The following TNS1 variants were observed in gnomAD, a reference collection of about 807,000 sequenced individuals.
TNS1 encodes tensin-1.
Under a neutral mutation model 168.6 loss-of-function variants are expected in TNS1, and 62 were observed. That is an observed-to-expected ratio of 0.37 (90% confidence interval 0.30 to 0.45). TNS1 has a LOEUF of 0.45. Ranked by LOEUF, TNS1 falls within the 20% of genes least tolerant of loss-of-function variation. The probability of loss-of-function intolerance (pLI) is 1.00; values close to 1 mark genes in which losing one functional copy is unlikely to be tolerated. For synonymous variants in TNS1, 934 were observed against 933.2 expected (o/e 1.00, Z -0.02); for missense variants, 2,240 against 2,339.4 (o/e 0.96, Z 0.88).
chr2:217,898,742 G>A (rs1025273994), intron 7 of TNS1, among the ~76,000 whole-genome samples: 1 of 152,224 alleles, frequency 6.6e-6, no homozygotes, highest in African/African-American at 2.4e-5. Context: ...AGCACCATGC[G>A]TTTCCCGGAG....
At chr2:217,838,378 C>A (rs1945458966) in intron 19 of TNS1, among the ~76,000 whole-genome samples, 2 of 152,246 alleles carry the variant, frequency 1.3e-5, no homozygotes, top group Admixed American at 6.5e-5. Flanking sequence ...CACCTGACAT[C>A]CGTAGAGAAT....
chr2:217,813,509 T>A lies in TNS1; in HGVS notation c.4861+176A>T, dbSNP rs1199077391. ...CAGGAAACACATGGCAGGCACCCAA[T>A]CGTCCTGCTTTCCCAATCTCTGACC... On this transcript the variant is annotated intron_variant, in intron 26 of 32. Coordinates refer to ENST00000682258, the MANE Select transcript of TNS1 (RefSeq NM_001387777.1). The surrounding 1 kb of genome is among the most constrained non-coding windows in gnomAD (Gnocchi z 4.0). Among the ~76,000 whole-genome samples the A allele has an allele frequency of 6.6e-6, 1 of 152,020 alleles. No individual in the cohort carries two copies. Among genetic ancestry groups the A allele is most frequent in the East Asian group, 1.9e-4 (1 of 5,180 alleles).
chr2:218,028,831 C>T (rs1202960050), intron 1 of TNS1, among the ~76,000 whole-genome samples: 1 of 152,202 alleles, frequency 6.6e-6, no homozygotes, highest in Non-Finnish European at 1.5e-5. Flanking sequence ...GACCTGGCCC[C>T]TAAGCATAGC....
Position 217,893,005 on chromosome 2 carries a change from C to T in TNS1, c.725G>A (p.Arg242Gln), listed in dbSNP as rs750425819. The T allele has an allele frequency of 9.3e-6, 15 of 1,614,178 alleles. No homozygotes were observed. The highest frequency in any genetic ancestry group is 2.2e-5 in the East Asian group (1 of 44,880). Residue 242 changes from arginine (R) to glutamine (Q), a missense_variant, in exon 11 of 33, where the codon CGA becomes CAA. By Grantham distance (43) the Arg-to-Gln change is conservative (BLOSUM62 1). Transcript: ENST00000682258. ...CGCGATGACAACTCCTATCCTGCCT[C>T]GGTTTCCCTGAAAGAGCCCCAAACA... ...NVVVLHNKGN[R>Q]GRIGVVIAAY...
intron 18 of TNS1, among the ~76,000 whole-genome samples, chr2:217,866,239 A>T (rs1399995743): frequency 6.6e-6 from 1 of 152,194 alleles, no homozygotes; most frequent in Admixed American, 6.5e-5. Flanking sequence ...CTAAGGGGTG[A>T]TTTTGGACAG....
At chr2:217,966,360 TGTCAGGGGAA>T (rs1225107931) in intron 3 of TNS1, among the ~76,000 whole-genome samples, 1 of 151,632 alleles carries the variant, frequency 6.6e-6, no homozygotes, top group Non-Finnish European at 1.5e-5. Flanking sequence ...GACTCAAAGA[TGTCAGGGGAA>T]GTTAAAGCTT....
Position 217,813,861 on chromosome 2 carries a change from GT to G in TNS1, c.4730-46del, listed in dbSNP as rs1941429720. On this transcript the variant is annotated intron_variant, in intron 25 of 32. Transcript: ENST00000682258. This position sits in a 1 kb window ranked among gnomAD's most constrained non-coding sequence, Gnocchi z 4.0. ...GGAGAGAGGAGGAAGCAAGACCTCG[GT>G]GGCGCTAGTTTTACTTAAGTCTCAT... The G allele has an allele frequency of 6.5e-7, 1 of 1,532,654 alleles. No individual in the cohort carries two copies. The allele number at this position is 1,532,654 out of a possible 1,614,324, so 94.9% of individuals were successfully genotyped here. A position where few individuals can be genotyped will look rare whatever the true frequency, so the allele number is the denominator to read the frequency against.
intron 28 of TNS1, among the ~76,000 whole-genome samples, chr2:217,811,287 A>C (rs1940852546): frequency 6.6e-6 from 1 of 152,226 alleles, no homozygotes; most frequent in Non-Finnish European, 1.5e-5. Context: ...ACAGTTTTTT[A>C]ATTGCTGAAC....
intron 20 of TNS1, 47 bp from the exon 21 acceptor site, chr2:217,835,213 G>A: frequency 6.4e-7 from 1 of 1,563,648 alleles, no homozygotes; most frequent in Non-Finnish European, 8.7e-7. Flanking sequence ...ATGAGAAGGA[G>A]AGATTTCCCC....
intron 1 of TNS1, among the ~76,000 whole-genome samples, chr2:218,000,459 T>C (rs1958542158): frequency 1.3e-5 from 2 of 152,166 alleles, no homozygotes; most frequent in Non-Finnish European, 2.9e-5. Flanking sequence ...AGGTCTGGGA[T>C]ACAGAGGATC....
chr2:217,837,354 C>A (rs932093240), intron 19 of TNS1, among the ~76,000 whole-genome samples: 1 of 152,242 alleles, frequency 6.6e-6, no homozygotes. Context: ...CCAGCACCCC[C>A]AGTCTGGCAC....
chr2:218,017,948 T>C (rs183185939), intron 1 of TNS1, among the ~76,000 whole-genome samples: 1 of 152,160 alleles, frequency 6.6e-6, no homozygotes, highest in African/African-American at 2.4e-5. Context: ...GTCCAGGGAA[T>C]GAACGCCTGA....
In TNS1 at chr2:217,835,100, G is replaced by C. The variant is rs777837868; in HGVS notation, c.3271C>G (p.Pro1091Ala). 6.3e-7 allele frequency: 1 copy of C among 1,583,358 alleles called. No homozygotes were observed. Among genetic ancestry groups the C allele is most frequent in the Admixed American group, 1.9e-5 (1 of 52,962 alleles). ...CACAGGGAATTCTTACCCCCACTGGGTGGTGGGCTGCTCGGGGAGGTTCCC... is the reference window on the plus strand; with the variant it reads ...CACAGGGAATTCTTACCCCCACTGGCTGGTGGGCTGCTCGGGGAGGTTCCC... ...MEGTSPSSPP[P>A]SGVRSPPGLA... The change falls in exon 21 of 33, where the codon CCC becomes GCC. Residue 1091 changes from proline (P) to alanine (A), a missense_variant. Pro to Ala is a conservative substitution (Grantham distance 27). Around this residue, in one of 2 missense-constraint regions of TNS1, gnomAD observed 2,131 missense variants for 2,171.2 expected, o/e 0.98. Coordinates refer to ENST00000682258, the MANE Select transcript of TNS1 (RefSeq NM_001387777.1).
At chr2:217,924,177 C>T (rs1324886985) in intron 3 of TNS1, among the ~76,000 whole-genome samples, 1 of 152,190 alleles carries the variant, frequency 6.6e-6, no homozygotes, top group African/African-American at 2.4e-5. Flanking sequence ...CCTGTGAGTA[C>T]ACAGTTCCCT....
At chr2:218,015,239 C>G (rs1014642898), upstream of TNS1, among the ~76,000 whole-genome samples, 2 of 152,110 alleles carry the variant, frequency 1.3e-5, no homozygotes, top group Admixed American at 6.5e-5. Flanking sequence ...TGCCAGGGGT[C>G]ACACAGCTAG....
intron 27 of TNS1, among the ~76,000 whole-genome samples, chr2:217,812,772 A>G (rs1395572767): frequency 6.6e-6 from 1 of 152,206 alleles, no homozygotes; most frequent in Non-Finnish European, 1.5e-5. Flanking sequence ...ATCCAATCCC[A>G]GCTCAGTCAC....
intron 30 of TNS1, among the ~76,000 whole-genome samples, chr2:217,809,489 A>ATAGG (rs1940282756): frequency 1.9e-4 from 1 of 5,158 alleles, no homozygotes; most frequent in African/African-American, 9.6e-4. Flanking sequence ...GGATGGATGG[A>ATAGG]TGCATGGATG....
chr2:218,007,926 C>T (rs562105861), upstream of TNS1, among the ~76,000 whole-genome samples: 17 of 152,288 alleles, frequency 1.1e-4, no homozygotes, highest in South Asian at 3.5e-3. Context: ...CTAATGCCCA[C>T]CAAGGCACGA....
chr2:217,944,755 A>G (rs1384991471), intron 3 of TNS1, among the ~76,000 whole-genome samples: 2 of 152,242 alleles, frequency 1.3e-5, no homozygotes, highest in Non-Finnish European at 2.9e-5. Context: ...GGATTGGCAG[A>G]AATGTGATAA....
Sources: gnomAD v4.1 joint callset for allele counts (sites outside exome capture counted in the v4.1 genomes callset) on GRCh38, gnomAD v4.1.1 for gene constraint, gnomAD v4.1.1 regional missense constraint, Gnocchi (gnomAD v3.1) non-coding constraint, MANE v1.5 for transcripts, NCBI Gene and HGNC (gene_info 2026-07-23, HGNC 2026-07-21) for gene names.